NTM: variants seen among roughly 807,000 people sequenced by gnomAD.
NTM encodes the protein neurotrimin.
NTM carries 13 observed loss-of-function variants against 42.1 expected under a neutral mutation model. That is an observed-to-expected ratio of 0.31 (90% CI 0.20 to 0.49). NTM has a LOEUF of 0.49. NTM is among the 20% of genes least tolerant of loss of function. The pLI, the probability that NTM is intolerant of heterozygous loss-of-function variation, is 0.99. For missense variants in NTM, 373 were observed against 452.8 expected, an observed-to-expected ratio of 0.82 and a Z score of 1.60; for synonymous variants, 187 against 179.2, an observed-to-expected ratio of 1.04 and a Z score of -0.35.
intron 1 of NTM, among the ~76,000 whole-genome samples, chr11:131,754,671 A>G (rs2083087222): frequency 1.3e-5 from 2 of 151,944 alleles, no homozygotes; most frequent in African/African-American, 2.4e-5. Context: ...TAACCCAACC[A>G]TTTCACATCT....
At chr11:132,040,765 T>G (rs1370865092) in intron 2 of NTM, among the ~76,000 whole-genome samples, 1 of 152,242 alleles carries the variant, frequency 6.6e-6, no homozygotes, top group Admixed American at 6.5e-5. Context: ...GCATAACTTC[T>G]GTCAATAGGT....
At chr11:131,718,705 T>C (rs564867639) in intron 1 of NTM, among the ~76,000 whole-genome samples, 18 of 152,134 alleles carry the variant, frequency 1.2e-4, no homozygotes, top group African/African-American at 3.9e-4. Flanking sequence ...TGTGCAGATT[T>C]CTCCTCCCCT....
chr11:132,044,076 GTGTT>G (rs1318941482), intron 2 of NTM, among the ~76,000 whole-genome samples: 5 of 99,870 alleles, frequency 5.0e-5, no homozygotes, highest in East Asian at 2.1e-4. Context: ...GTATGTGTAT[GTGTT>G]TGTGTGTATG....
chr11:132,044,184 G>A (rs2077657457), intron 2 of NTM, among the ~76,000 whole-genome samples: 1 of 145,926 alleles, frequency 6.9e-6, no homozygotes, highest in African/African-American at 2.6e-5. Flanking sequence ...ATGTGTATGT[G>A]TGTGTGTTAT....
At chr11:132,333,994 C>T (rs1030915042) in intron 8 of NTM, among the ~76,000 whole-genome samples, 1 of 152,166 alleles carries the variant, frequency 6.6e-6, no homozygotes, top group Non-Finnish European at 1.5e-5. Context: ...TTCCCTAATC[C>T]AGGAAGACAT....
chr11:131,529,116 T>A (rs1465005393), intron 1 of NTM, among the ~76,000 whole-genome samples: 3 of 152,196 alleles, frequency 2.0e-5, no homozygotes, highest in Non-Finnish European at 4.4e-5. Context: ...GAAGCTGTCA[T>A]GCAGTTTCTG....
intron 2 of NTM, among the ~76,000 whole-genome samples, chr11:132,134,757 A>ATATCTCTATCTATC (rs1402268178): frequency 9.3e-5 from 9 of 97,278 alleles, no homozygotes; most frequent in African/African-American, 3.3e-4. Context: ...ATATATATAT[A>ATATCTCTATCTATC]TATCTCACAT....
At chr11:132,174,693 T>A (rs10894518) in intron 3 of NTM, among the ~76,000 whole-genome samples, 4 of 151,886 alleles carry the variant, frequency 2.6e-5, no homozygotes, top group Middle Eastern at 3.2e-3. Flanking sequence ...GCAATGGCTC[T>A]TTGAAATATT....
At chr11:132,001,047 C>G (rs547777086) in intron 2 of NTM, among the ~76,000 whole-genome samples, 1 of 152,260 alleles carries the variant, frequency 6.6e-6, no homozygotes, top group Non-Finnish European at 1.5e-5. Context: ...TGGGAAAGGT[C>G]TTGAGCAGAA....
chr11:131,411,563 G>A (rs1473146556), intron 1 of NTM, among the ~76,000 whole-genome samples: 1 of 151,200 alleles, frequency 6.6e-6, no homozygotes, highest in African/African-American at 2.4e-5. Flanking sequence ...GTGTGTGTGT[G>A]TGTGTGTGTG....
chr11:131,736,910 C>T (rs11826298), intron 1 of NTM, among the ~76,000 whole-genome samples: 2,466 of 152,260 alleles, frequency 0.016, 64 homozygotes, highest in African/African-American at 0.056. Flanking sequence ...TTGTCACATA[C>T]GTTTACTTTA....
chr11:132,199,872 C>G (rs887030561), intron 3 of NTM, among the ~76,000 whole-genome samples: 1 of 151,648 alleles, frequency 6.6e-6, no homozygotes, highest in Non-Finnish European at 1.5e-5. Context: ...CCTCCAATCT[C>G]GGGGGGAGAT....
At chr11:131,554,785 C>A (rs927657179) in intron 1 of NTM, among the ~76,000 whole-genome samples, 45 of 152,082 alleles carry the variant, frequency 3.0e-4, no homozygotes, top group African/African-American at 9.4e-4. Flanking sequence ...CCATCCCTTC[C>A]TTTTTGGAGA....
chr11:131,519,077 G>A (rs1231317890), intron 1 of NTM, among the ~76,000 whole-genome samples: 2 of 152,234 alleles, frequency 1.3e-5, no homozygotes, highest in African/African-American at 2.4e-5. Context: ...AGTAGTGCTA[G>A]ATAAATAGAT....
At chr11:131,619,109 C>A (rs2062253929) in intron 1 of NTM, among the ~76,000 whole-genome samples, 1 of 152,174 alleles carries the variant, frequency 6.6e-6, no homozygotes, top group Non-Finnish European at 1.5e-5. Context: ...GCTGGAGTTT[C>A]TGAGATGCAG....
At chr11:131,716,356 G>A (rs1334648998) in intron 1 of NTM, among the ~76,000 whole-genome samples, 2 of 152,074 alleles carry the variant, frequency 1.3e-5, no homozygotes, top group Middle Eastern at 3.2e-3. Context: ...ATAGCCTAAG[G>A]TCATATGGTT....
chr11:132,268,448 A>G (rs75635622), intron 4 of NTM, among the ~76,000 whole-genome samples: 1 of 152,164 alleles, frequency 6.6e-6, no homozygotes, highest in South Asian at 2.1e-4. Context: ...AAAATCATCA[A>G]ACACCTTCTG....
At chr11:131,785,608 C>T (rs1012329154) in intron 1 of NTM, among the ~76,000 whole-genome samples, 3 of 152,124 alleles carry the variant, frequency 2.0e-5, no homozygotes, top group Admixed American at 6.5e-5. Context: ...TCTTTGGTAA[C>T]GAGGTAAATG....
At chr11:132,075,921 A>G (rs2058303654) in intron 2 of NTM, among the ~76,000 whole-genome samples, 1 of 152,198 alleles carries the variant, frequency 6.6e-6, no homozygotes, top group African/African-American at 2.4e-5. Context: ...TAACCTTTTT[A>G]TTGGTGGCAT....
Sources: gnomAD v4.1 joint callset for allele counts (sites outside exome capture counted in the v4.1 genomes callset) on GRCh38, gnomAD v4.1.1 for gene constraint, MANE v1.5 for transcripts, NCBI Gene and HGNC (gene_info 2026-07-23, HGNC 2026-07-21) for gene names.